Variants in CCDC171 observed in about 807,000 individuals in gnomAD.
CCDC171 encodes coiled-coil domain-containing protein 171.
Under a neutral mutation model 168.2 loss-of-function variants are expected in CCDC171, and 177 were observed. That is an observed-to-expected ratio of 1.05 (90% CI 0.93 to 1.19). The LOEUF is 1.19. Among genes scored for constraint, CCDC171 ranks in the 50% most tolerant of loss-of-function variants. CCDC171 has a pLI of 0.00. For missense variants in CCDC171, 1,991 were observed against 1,539.0 expected (o/e 1.29, Z -4.91); for synonymous variants, 687 against 540.8 (o/e 1.27, Z -3.75).
intron 24 of CCDC171, among the ~76,000 whole-genome samples, chr9:15,876,632 A>T (rs542305747): frequency 2.6e-5 from 4 of 152,214 alleles, no homozygotes; most frequent in East Asian, 3.9e-4. Context: ...CTATAATGGA[A>T]TTTTTCTTCC....
At chr9:15,939,949 A>G (rs532249166) in intron 25 of CCDC171, among the ~76,000 whole-genome samples, 1 of 152,014 alleles carries the variant, frequency 6.6e-6, no homozygotes, top group East Asian at 1.9e-4. Flanking sequence ...TACACTTTGT[A>G]AAATTATTTT....
rs138209362 is a variant in CCDC171, at chr9:15,893,067, G to A, written c.3600+18404G>A. Among the ~76,000 whole-genome samples the A allele has an allele frequency of 1.6e-3, 246 of 152,124 alleles. 1 individual carries two copies. The highest frequency in any genetic ancestry group is 3.4e-3 in the Middle Eastern group (1 of 294). The stretch of plus-strand genomic sequence containing the variant: ...AAGGCTACAGTAATCAAAACAGCAC[G>A]GTACTTGTATAAGCACAGATACATA... On this transcript the variant is annotated intron_variant, in intron 24 of 25. Coordinates refer to ENST00000380701, the MANE Select transcript of CCDC171 (RefSeq NM_173550.4).
At chr9:15,931,462 T>C (rs1430530303) in intron 25 of CCDC171, among the ~76,000 whole-genome samples, 1 of 140,840 alleles carries the variant, frequency 7.1e-6, no homozygotes, top group Non-Finnish European at 1.5e-5. Context: ...CTTTCTTTTT[T>C]TTTTTTTTTT....
chr9:15,630,661 C>T (rs977903591), intron 7 of CCDC171, among the ~76,000 whole-genome samples: 3 of 152,174 alleles, frequency 2.0e-5, no homozygotes, highest in African/African-American at 7.2e-5. Flanking sequence ...GAACTCAGCT[C>T]TGCACCAAGC....
At chr9:15,794,715 G>T (rs79399120) in intron 21 of CCDC171, among the ~76,000 whole-genome samples, 2,339 of 152,238 alleles carry the variant, frequency 0.015, 70 homozygotes, top group African/African-American at 0.054. Flanking sequence ...ATGGCATGTG[G>T]TACACAAAGC....
chr9:15,628,471 A>C (rs1189110922), intron 7 of CCDC171, among the ~76,000 whole-genome samples: 3 of 152,196 alleles, frequency 2.0e-5, no homozygotes, highest in African/African-American at 7.2e-5. Context: ...CAGCGAGGCT[A>C]GGGGAGGGGC....
chr9:15,820,987 C>A (rs1384206032), intron 21 of CCDC171, among the ~76,000 whole-genome samples: 1 of 117,040 alleles, frequency 8.5e-6, no homozygotes, highest in Non-Finnish European at 1.9e-5. Context: ...GCTTACCCAC[C>A]ATGATCAAGT....
At chr9:15,767,029 C>T (rs1034612370) in intron 18 of CCDC171, among the ~76,000 whole-genome samples, 2 of 152,020 alleles carry the variant, frequency 1.3e-5, no homozygotes, top group African/African-American at 2.4e-5. Flanking sequence ...TACAGCATAC[C>T]AGGAATGATA....
chr9:15,939,084 A>G (rs1436927776), intron 25 of CCDC171, among the ~76,000 whole-genome samples: 1 of 151,396 alleles, frequency 6.6e-6, no homozygotes, highest in African/African-American at 2.4e-5. Context: ...CTTCTTGATA[A>G]TATAACCTTT....
rs142339009 is a variant in CCDC171 at position 16,006,293 on chromosome 9, C to T, written n.369-14296C>T. Among the ~76,000 whole-genome samples, 819 of 152,250 alleles carry T rather than the reference C, an allele frequency of 5.4e-3. 7 individuals carry two copies. The highest frequency in any genetic ancestry group is 8.5e-3 in the Non-Finnish European group (575 of 68,006). On this transcript the variant is annotated intron_variant and non_coding_transcript_variant, in intron 3 of 9. Coordinates refer to the CCDC171 transcript ENST00000486641. The stretch of plus-strand genomic sequence containing the variant: ...ACAATAACTTTTTATTGTACTCATC[C>T]TAGTGGGTGTGAAGTGTATCTTTTG...
intron 18 of CCDC171, among the ~76,000 whole-genome samples, chr9:15,760,917 G>A (rs2056407343): frequency 6.6e-6 from 1 of 152,132 alleles, no homozygotes; most frequent in Non-Finnish European, 1.5e-5. Flanking sequence ...TCCAAATGGT[G>A]TGCCTGCAAG....
chr9:15,771,570 CTT>C (rs1455280039), intron 18 of CCDC171, among the ~76,000 whole-genome samples: 1 of 124,618 alleles, frequency 8.0e-6, no homozygotes, highest in East Asian at 3.4e-4. Flanking sequence ...TATATTAACA[CTT>C]TATCATAGTG....
chr9:15,995,143 T>C (rs532184089), intron 3 of CCDC171, among the ~76,000 whole-genome samples: 60 of 152,264 alleles, frequency 3.9e-4, no homozygotes, highest in African/African-American at 1.4e-3. Context: ...CAAGAAAAAG[T>C]TTTTATATTT....
At chr9:15,677,806 T>C (rs2049700120) in intron 9 of CCDC171, among the ~76,000 whole-genome samples, 1 of 136,910 alleles carries the variant, frequency 7.3e-6, no homozygotes, top group South Asian at 2.3e-4. Flanking sequence ...CTCATATATA[T>C]ACACACACAC....
chr9:16,028,038 A>T (rs1224060825), intron 6 of CCDC171, among the ~76,000 whole-genome samples: 3 of 152,182 alleles, frequency 2.0e-5, no homozygotes, highest in African/African-American at 4.8e-5. Context: ...CATTTGAACT[A>T]GCCTTGACAC....
chr9:15,955,079 T>A (rs2132537614), intron 25 of CCDC171, among the ~76,000 whole-genome samples: 1 of 152,292 alleles, frequency 6.6e-6, no homozygotes, highest in Admixed American at 6.5e-5. Flanking sequence ...ATTTTCTCCC[T>A]TCCCTAGGGT....
intron 1 of CCDC171, among the ~76,000 whole-genome samples, chr9:16,053,468 G>T (rs1486445820): frequency 6.6e-6 from 1 of 152,256 alleles, no homozygotes; most frequent in Non-Finnish European, 1.5e-5. Context: ...TGTCTAGTCA[G>T]GTTACTGGAC....
chr9:15,623,126 C>T (rs899149329), intron 6 of CCDC171, 141 bp from the exon 7 acceptor site: 4 of 479,942 alleles, frequency 8.3e-6, no homozygotes, highest in Admixed American at 3.7e-5. Flanking sequence ...TGGAAAATAT[C>T]TAGGCCTCTT....
intron 9 of CCDC171, among the ~76,000 whole-genome samples, chr9:15,672,194 GTTGT>G (rs1435667488): frequency 2.6e-5 from 4 of 152,104 alleles, no homozygotes; most frequent in Admixed American, 6.6e-5. Flanking sequence ...TTTTGATGGG[GTTGT>G]TTGTTTTTTT....
Sources: allele counts gnomAD v4.1 joint callset (sites outside exome capture counted in the v4.1 genomes callset), GRCh38; gene constraint gnomAD v4.1.1; transcripts MANE v1.5; gene names NCBI Gene and HGNC (gene_info 2026-07-23, HGNC 2026-07-21).